The following PDGFRL variants were observed in gnomAD, a reference collection of about 807,000 sequenced individuals.
The protein encoded by PDGFRL is platelet derived growth factor receptor like.
Under a neutral mutation model 37.2 loss-of-function variants are expected in PDGFRL, and 46 were observed. The ratio of observed to expected loss-of-function variants is 1.24; its 90% CI spans 0.98 to 1.58. The LOEUF is 1.58. Among genes scored for constraint, PDGFRL ranks in the 40% most tolerant of loss-of-function variants. PDGFRL has a pLI of 0.00. For missense variants in PDGFRL, 692 were observed against 467.6 expected (o/e 1.48, Z -4.43); for synonymous variants, 251 against 184.3 (o/e 1.36, Z -2.93).
intron 2 of PDGFRL, among the ~76,000 whole-genome samples, chr8:17,620,641 A>T (rs965992496): frequency 1.3e-5 from 2 of 152,304 alleles, no homozygotes; most frequent in Non-Finnish European, 2.9e-5. Context: ...CACGATTAAC[A>T]TTTCTATGTA....
chr8:17,625,428 G>A (rs1233234239), intron 3 of PDGFRL, among the ~76,000 whole-genome samples: 1 of 150,052 alleles, frequency 6.7e-6, no homozygotes, highest in Non-Finnish European at 1.5e-5. Context: ...GGGATTACAG[G>A]CGTGAGCCAC....
intron 2 of PDGFRL, among the ~76,000 whole-genome samples, chr8:17,590,093 T>C (rs1411136848): frequency 6.6e-6 from 1 of 150,882 alleles, no homozygotes; most frequent in East Asian, 2.0e-4. Context: ...TAGCTGGGCG[T>C]GGTGGCAGGT....
chr8:17,588,479 C>T (rs1445111630), intron 1 of PDGFRL, among the ~76,000 whole-genome samples: 3 of 149,676 alleles, frequency 2.0e-5, no homozygotes, highest in African/African-American at 7.3e-5. Context: ...GAGTTTGAGA[C>T]CAGCTTGGGC....
At chr8:17,605,021 G>T (rs1353103671) in intron 2 of PDGFRL, among the ~76,000 whole-genome samples, 1 of 152,188 alleles carries the variant, frequency 6.6e-6, no homozygotes, top group Non-Finnish European at 1.5e-5. Flanking sequence ...GGAGGCTGAG[G>T]TGGGAGGATT....
intron 1 of PDGFRL, 62 bp from the exon 2 acceptor site, chr8:17,589,406 G>T: frequency 8.0e-7 from 1 of 1,245,062 alleles, no homozygotes; most frequent in Non-Finnish European, 1.1e-6. Flanking sequence ...AAAAGTTATT[G>T]GCCTCAAATA....
At chr8:17,613,676 G>A (rs900929601) in intron 2 of PDGFRL, among the ~76,000 whole-genome samples, 7 of 152,144 alleles carry the variant, frequency 4.6e-5, no homozygotes, top group Non-Finnish European at 8.8e-5. Context: ...TCAGGAGTTC[G>A]ATGCCAGCCT....
At chr8:17,635,852 A>G (rs1585337090) in intron 5 of PDGFRL, among the ~76,000 whole-genome samples, 1 of 152,122 alleles carries the variant, frequency 6.6e-6, no homozygotes, top group Admixed American at 6.5e-5. Flanking sequence ...TGTGGTTTTG[A>G]TTTGCATTTC....
rs996220901 is a variant in PDGFRL, at chr8:17,643,081, A to G, written c.*280A>G. 3.2e-6 allele frequency: 1 copy of G among 317,310 alleles called. No individual in the cohort carries two copies. Among genetic ancestry groups the G allele is most frequent in the African/African-American group, 2.2e-5 (1 of 46,400 alleles). The allele number at this position is 317,310 out of a possible 1,614,324, so 19.7% of individuals were successfully genotyped here. Reference sequence around the variant, plus strand: ...TGTAAACAATTTTATATAATCAATCATTTCTATTAAATGAGCACGTTTTTG... The same window carrying G: ...TGTAAACAATTTTATATAATCAATCGTTTCTATTAAATGAGCACGTTTTTG... On this transcript the variant is annotated 3_prime_UTR_variant, in exon 6 of 6. Coordinates refer to ENST00000251630, the MANE Select transcript of PDGFRL (RefSeq NM_001372073.1).
intron 2 of PDGFRL, among the ~76,000 whole-genome samples, chr8:17,593,934 A>G (rs973280157): frequency 1.3e-5 from 2 of 151,922 alleles, no homozygotes; most frequent in African/African-American, 4.8e-5. Context: ...TGAAGTGTAC[A>G]GTATTGTTAA....
chr8:17,584,060 G>A (rs1030071075), intron 1 of PDGFRL, among the ~76,000 whole-genome samples: 1 of 152,208 alleles, frequency 6.6e-6, no homozygotes, highest in Non-Finnish European at 1.5e-5. Flanking sequence ...TGGATGGTAA[G>A]TGGCTTGGCC....
intron 1 of PDGFRL, among the ~76,000 whole-genome samples, chr8:17,588,166 G>A (rs949283418): frequency 6.6e-6 from 1 of 152,066 alleles, no homozygotes; most frequent in Admixed American, 6.5e-5. Flanking sequence ...CAATGTTGGT[G>A]ATAAAATACT....
chr8:17,638,634 C>T, intron 5 of PDGFRL, among the ~76,000 whole-genome samples: 1 of 150,476 alleles, frequency 6.6e-6, no homozygotes, highest in African/African-American at 2.4e-5. Context: ...CTATTGCTGA[C>T]AGTGGAGTAT....
intron 2 of PDGFRL, among the ~76,000 whole-genome samples, chr8:17,606,179 G>C (rs373004908): frequency 4.2e-4 from 4 of 9,596 alleles, no homozygotes; most frequent in African/African-American, 4.9e-4. Flanking sequence ...GCTGAGTAAG[G>C]TATTTTTTTT....
intron 1 of PDGFRL, among the ~76,000 whole-genome samples, chr8:17,583,936 A>G (rs73561240): frequency 0.023 from 3,510 of 152,236 alleles, 164 homozygotes; most frequent in South Asian, 0.17. Flanking sequence ...GAGCTGAGTA[A>G]ACCTCTTTCC....
At position 17,642,862 on chromosome 8, in the gene PDGFRL, G is replaced by A; in HGVS notation, c.*61G>A. ...CCATTTGTGTACACAGTCAGCTTTG[G>A]GGTTCCTTTTATTAGTGCTTTGCCA... On this transcript the variant is annotated 3_prime_UTR_variant, in exon 6 of 6. Transcript: ENST00000251630. 1 of 1,130,664 alleles carries A rather than the reference G, an allele frequency of 8.8e-7. No individual in the cohort carries two copies. Among genetic ancestry groups the A allele is most frequent in the Non-Finnish European group, 1.3e-6 (1 of 763,046 alleles). The allele number at this position is 1,130,664 out of a possible 1,614,324, so 70.0% of individuals were successfully genotyped here. A position where few individuals can be genotyped will look rare whatever the true frequency, so the allele number is the denominator to read the frequency against.
At chr8:17,583,841 T>C (rs1803759984) in intron 1 of PDGFRL, among the ~76,000 whole-genome samples, 1 of 152,182 alleles carries the variant, frequency 6.6e-6, no homozygotes, top group Non-Finnish European at 1.5e-5. Context: ...CATATACCTA[T>C]TCTCCTTCAC....
At chr8:17,594,448 C>T (rs1269726061) in intron 2 of PDGFRL, among the ~76,000 whole-genome samples, 1 of 151,932 alleles carries the variant, frequency 6.6e-6, no homozygotes, top group Non-Finnish European at 1.5e-5. Flanking sequence ...ACTATGATGG[C>T]CAGGCTGGTC....
intron 2 of PDGFRL, among the ~76,000 whole-genome samples, chr8:17,604,748 T>C (rs747112430): frequency 6.6e-6 from 1 of 152,006 alleles, no homozygotes; most frequent in Non-Finnish European, 1.5e-5. Context: ...TAATAAAATT[T>C]AAAAAAAATT....
At chr8:17,586,444 C>G (rs989200147) in intron 1 of PDGFRL, among the ~76,000 whole-genome samples, 1 of 152,118 alleles carries the variant, frequency 6.6e-6, no homozygotes, top group Non-Finnish European at 1.5e-5. Context: ...AGTGAAAAAG[C>G]AACAATATGC....
Sources: gnomAD v4.1 joint callset for allele counts (sites outside exome capture counted in the v4.1 genomes callset) on GRCh38, gnomAD v4.1.1 for gene constraint, MANE v1.5 for transcripts, NCBI Gene and HGNC (gene_info 2026-07-23, HGNC 2026-07-21) for gene names.